Variants in ERAP2 observed in about 807,000 individuals in gnomAD.
ERAP2 encodes the protein endoplasmic reticulum aminopeptidase 2.
ERAP2 carries 118 observed loss-of-function variants against 111.1 expected under a neutral mutation model. The ratio of observed to expected loss-of-function variants is 1.06; its 90% CI spans 0.92 to 1.24. ERAP2 has a LOEUF of 1.24. ERAP2 is among the 50% of genes most tolerant of loss of function. The pLI, the probability that ERAP2 is intolerant of heterozygous loss-of-function variation, is 0.00. For missense variants in ERAP2, 1,131 were observed against 1,125.8 expected (o/e 1.00, Z -0.07); for synonymous variants, 410 against 401.2 (o/e 1.02, Z -0.26).
At chr5:96,882,262 C>A (rs1021364138) in intron 2 of ERAP2, among the ~76,000 whole-genome samples, 1 of 152,126 alleles carries the variant, frequency 6.6e-6, no homozygotes, top group African/African-American at 2.4e-5. Context: ...GCCGAAGGCC[C>A]CATCCAAAGG....
intron 9 of ERAP2, among the ~76,000 whole-genome samples, chr5:96,899,613 A>G (rs1205177584): frequency 6.6e-6 from 1 of 152,184 alleles, no homozygotes; most frequent in Non-Finnish European, 1.5e-5. Flanking sequence ...ATTCCCAGTT[A>G]GTTCGAAATA....
intron 15 of ERAP2, among the ~76,000 whole-genome samples, chr5:96,912,156 A>G (rs1031478127): frequency 1.4e-5 from 2 of 145,920 alleles, no homozygotes; most frequent in African/African-American, 5.1e-5. Flanking sequence ...GCGCCACTGC[A>G]CTCCAGCTTG....
intron 4 of ERAP2, 48 bp downstream of exon 4, chr5:96,886,837 G>C: frequency 7.4e-7 from 1 of 1,343,804 alleles, no homozygotes; most frequent in Non-Finnish European, 9.7e-7. Context: ...AGTGTCCTGA[G>C]AGCAATGAAC....
intron 15 of ERAP2, among the ~76,000 whole-genome samples, chr5:96,911,126 C>T (rs975256345): frequency 6.6e-6 from 1 of 152,206 alleles, no homozygotes; most frequent in African/African-American, 2.4e-5. Flanking sequence ...CTGCAAATGG[C>T]AAATTATGTC....
rs572739163 is a variant in ERAP2 at position 96,900,165 on chromosome 5, G to C, written c.1548G>C (p.Ser516=). 16 of 1,613,694 alleles carry C rather than the reference G, an allele frequency of 9.9e-6. 1 individual carries two copies. In the Admixed American group the frequency reaches 2.7e-4, roughly 27 times the overall value. The part of the protein sequence containing the change: ...SDFTSGGVCH[S]DPKMTSNMLA... ...TTACATCTGGTGGAGTTTGTCATTCGGATCCCAAGATGACAAGTAACATGG... is the reference window on the plus strand; with the variant it reads ...TTACATCTGGTGGAGTTTGTCATTCCGATCCCAAGATGACAAGTAACATGG... Residue 516 remains serine (S), a synonymous_variant, in exon 10 of 19, where the codon TCG becomes TCC. Transcript: ENST00000437043.
chr5:96,908,722 C>T (rs1032991591), intron 13 of ERAP2, among the ~76,000 whole-genome samples: 1 of 152,100 alleles, frequency 6.6e-6, no homozygotes, highest in African/African-American at 2.4e-5. Flanking sequence ...CACAACAAGC[C>T]TATGAGGAAG....
intron 4 of ERAP2, among the ~76,000 whole-genome samples, chr5:96,887,073 G>GTATATATATATATATA (rs35218383): frequency 6.9e-5 from 6 of 87,162 alleles, no homozygotes; most frequent in African/African-American, 1.8e-4. Context: ...AATTTTCAAA[G>GTATATATATATATATA]TATATATATA....
chr5:96,876,967 T>A (rs1420993942), intron 1 of ERAP2, among the ~76,000 whole-genome samples: 3 of 152,118 alleles, frequency 2.0e-5, no homozygotes, highest in Non-Finnish European at 4.4e-5. Flanking sequence ...TAATTTAATT[T>A]ATGTATTTAT....
Position 96,917,519 on chromosome 5 carries a change from A to G in ERAP2, c.2797A>G (p.Thr933Ala). Residue 933 changes from threonine to alanine, a missense_variant, in exon 19 of 19, where the codon ACT (threonine) becomes GCT (alanine). By Grantham distance (58) the Thr-to-Ala change is moderately conservative. Transcript: ENST00000437043. ...AQGSHLDIFQ[T>A]VLETITKNIK... ...AGGATCACATCTGGATATTTTTCAAACTGTTCTGGAAACGATAACCAAAAA... is the reference window on the plus strand; with the variant it reads ...AGGATCACATCTGGATATTTTTCAAGCTGTTCTGGAAACGATAACCAAAAA... The G allele has an allele frequency of 1.2e-6, 2 of 1,613,950 alleles. No homozygotes were observed. The highest frequency in any genetic ancestry group is 1.7e-6 in the Non-Finnish European group (2 of 1,179,896).
In ERAP2 at chr5:96,879,958, T is replaced by C. The variant is rs1282641612; in HGVS notation, c.273T>C (p.Phe91=). The change falls in exon 2 of 19, where the codon TTT becomes TTC. Residue 91 remains phenylalanine, a synonymous_variant. Coordinates refer to ENST00000437043, the MANE Select transcript of ERAP2 (RefSeq NM_022350.5). The part of the protein sequence containing the change: ...FVHPNLTSLD[F]VASEKIEVLV... The stretch of plus-strand genomic sequence containing the variant: ...ACCCCAATCTCACCTCTCTGGACTT[T>C]GTTGCATCTGAGAAGATCGAAGTCT... 3 of 1,614,216 alleles carry C rather than the reference T, an allele frequency of 1.9e-6. No homozygotes were observed. The highest frequency in any genetic ancestry group is 1.7e-6 in the Non-Finnish European group (2 of 1,180,036).
At chr5:96,881,780 A>G (rs1209445297) in intron 2 of ERAP2, among the ~76,000 whole-genome samples, 1 of 152,100 alleles carries the variant, frequency 6.6e-6, no homozygotes, top group Non-Finnish European at 1.5e-5. Context: ...GACACGGGGG[A>G]GAGATAAGGG....
At chr5:96,909,553 C>A (rs762394831) in intron 14 of ERAP2, 27 bp from the exon 15 acceptor site, 4 of 1,590,628 alleles carry the variant, frequency 2.5e-6, no homozygotes, top group Non-Finnish European at 2.6e-6. Context: ...TTTAGCCTCT[C>A]TGTTAACCAT....
intron 17 of ERAP2, among the ~76,000 whole-genome samples, chr5:96,914,520 T>C (rs1173128478): frequency 1.3e-5 from 2 of 152,250 alleles, no homozygotes; most frequent in Non-Finnish European, 2.9e-5. Flanking sequence ...TCTGTTTTCA[T>C]GATTGTCATT....
At chr5:96,885,341 T>G (rs1205620558) in intron 3 of ERAP2, among the ~76,000 whole-genome samples, 2 of 152,152 alleles carry the variant, frequency 1.3e-5, no homozygotes, top group Non-Finnish European at 2.9e-5. Flanking sequence ...CAGAGAACAC[T>G]GGTTGAATCA....
chr5:96,902,933 G>A (rs1785633700), intron 12 of ERAP2: 1 of 154,746 alleles, frequency 6.5e-6, no homozygotes. Context: ...AAATTTGAGA[G>A]GTTTTCCGTC....
At chr5:96,907,546 G>C (rs1786223941) in intron 13 of ERAP2, among the ~76,000 whole-genome samples, 1 of 151,222 alleles carries the variant, frequency 6.6e-6, no homozygotes, top group South Asian at 2.1e-4. Context: ...GCTCACACAG[G>C]TGGGAAGGAG....
chr5:96,891,571 G>GTA (rs144237136), intron 5 of ERAP2, among the ~76,000 whole-genome samples: 4,570 of 132,698 alleles, frequency 0.034, 210 homozygotes, highest in East Asian at 0.15. Flanking sequence ...CACATATATG[G>GTA]TACACACACA....
At chr5:96,892,503 T>C in intron 6 of ERAP2, 50 bp downstream of exon 6, 3 of 1,601,190 alleles carry the variant, frequency 1.9e-6, no homozygotes, top group Non-Finnish European at 2.6e-6. Context: ...AATAACATTA[T>C]ATAGAACACG....
At chr5:96,886,830 G>A (rs960448199) in intron 4 of ERAP2, 41 bp downstream of exon 4, 5 of 1,358,444 alleles carry the variant, frequency 3.7e-6, no homozygotes, top group Non-Finnish European at 2.9e-6. Context: ...GCAGAAAAGT[G>A]TCCTGAGAGC....
Sources: gnomAD v4.1 joint callset for allele counts (sites outside exome capture counted in the v4.1 genomes callset) on GRCh38, gnomAD v4.1.1 for gene constraint, MANE v1.5 for transcripts, NCBI Gene and HGNC (gene_info 2026-07-23, HGNC 2026-07-21) for gene names.